NXF2: variants seen among roughly 807,000 people sequenced by gnomAD.
NXF2 encodes the protein TAP-like protein 2.
At chrX:102,251,316 C>T (rs1460771971) in intron 2 of NXF2, among the ~76,000 whole-genome samples, 1 of 50,131 alleles carries the variant, frequency 2.0e-5, no homozygotes, top group African/African-American at 1.4e-4. Context: ...ACATTACTCC[C>T]GCGAATAACC....
At chrX:102,281,673 G>A (rs1231620280) in intron 2 of NXF2, among the ~76,000 whole-genome samples, 3 of 105,037 alleles carry the variant, frequency 2.9e-5, no homozygotes, top group African/African-American at 7.0e-5. Context: ...GTTAGGGGAC[G>A]GGTGATGCCA....
chrX:102,266,424 TA>T lies in NXF2; in HGVS notation c.-54+17868del, dbSNP rs1292990539. Among the ~76,000 whole-genome samples, 8 of 40,246 alleles carry T rather than the reference TA, an allele frequency of 2.0e-4. 3 individuals carry two copies. Among genetic ancestry groups the T allele is most frequent in the African/African-American group, 6.3e-4 (8 of 12,611 alleles). 34.9% of individuals were successfully genotyped at this position (40,246 alleles called of 115,157 possible). A position where few individuals can be genotyped will look rare whatever the true frequency, so the allele number is the denominator to read the frequency against. ...TCAAAAGCTAGCAGAAGGCAAGAAA[TA>T]ACTAAGATCAGAGCAGAACTGAAGG... On this transcript the variant is annotated intron_variant, in intron 2 of 22. Transcript: ENST00000625106.
chrX:102,298,978 T>C (rs1207374633), intron 2 of NXF2, among the ~76,000 whole-genome samples: 1 of 78,185 alleles, frequency 1.3e-5, no homozygotes, highest in Admixed American at 1.5e-4. Context: ...TACAATGTGG[T>C]ATTTTGATAA....
intron 2 of NXF2, among the ~76,000 whole-genome samples, chrX:102,252,288 C>T (rs2364161): frequency 0.062 from 2,982 of 48,270 alleles, no homozygotes; most frequent in Non-Finnish European, 0.091. Context: ...CCACCCCCCT[C>T]CCCCGGCCAC....
In NXF2 at chrX:102,274,521, TTCC is replaced by T. The variant is rs782724570; in HGVS notation, c.-54+25966_-54+25968del. On this transcript the variant is annotated intron_variant, in intron 2 of 22. Transcript: ENST00000625106. ...CTTCTTCTTCTTCTTCTTCTTCTTC[TTCC>T]TCTTCCTCTTCCTCTTCCTCTTCTT... is the stretch of plus-strand genomic sequence containing the variant. 2.2e-3 allele frequency among the ~76,000 whole-genome samples: 8 copies of T among 3,675 alleles called. 3 individuals carry two copies. The highest frequency in any genetic ancestry group is 0.016 in the Admixed American group (5 of 320). 3.2% of individuals were successfully genotyped at this position (3,675 alleles called of 115,157 possible).
intron 2 of NXF2, among the ~76,000 whole-genome samples, chrX:102,254,503 G>A (rs1344551765): frequency 2.5e-5 from 2 of 80,731 alleles, no homozygotes; most frequent in Non-Finnish European, 4.6e-5. Context: ...AGTGTACAAG[G>A]GTTCCCTTTT....
chrX:102,266,674 T>A (rs1431848437), intron 2 of NXF2, among the ~76,000 whole-genome samples: 1 of 35,397 alleles, frequency 2.8e-5, no homozygotes, highest in Non-Finnish European at 6.3e-5. Context: ...CAAATAAACT[T>A]GTAAATCTAG....
intron 2 of NXF2, among the ~76,000 whole-genome samples, chrX:102,282,341 T>C (rs1428711016): frequency 2.6e-5 from 3 of 114,898 alleles, no homozygotes; most frequent in African/African-American, 9.5e-5. Context: ...CTGAGGTCAT[T>C]GCTTCACAAA....
At chrX:102,260,092 C>T (rs1261331022) in intron 2 of NXF2, 3 of 91,258 alleles carry the variant, frequency 3.3e-5, no homozygotes, top group African/African-American at 1.1e-4. Context: ...TTGAGCAGAG[C>T]CTTGGGTCCT....
At chrX:102,248,394 G>T (rs1402358433) in intron 1 of NXF2, 43 bp from the exon 2 acceptor site, 1 of 51,657 alleles carries the variant, frequency 1.9e-5, no homozygotes, top group African/African-American at 8.3e-5. Flanking sequence ...GATTTTATGT[G>T]AATTTCACCA....
chrX:102,281,975 ATTT>A (rs35643029), intron 2 of NXF2, among the ~76,000 whole-genome samples: 8 of 10,822 alleles, frequency 7.4e-4, no homozygotes, highest in Non-Finnish European at 1.3e-3. Flanking sequence ...CGCCCGGCTA[ATTT>A]TTTTTTTTTT....
chrX:102,294,255 A>G (rs373617160), intron 2 of NXF2, among the ~76,000 whole-genome samples: 3,316 of 101,624 alleles, frequency 0.033, 2 homozygotes, highest in Non-Finnish European at 0.046. Context: ...GACCTACGGT[A>G]GGAAGCTCTG....
At chrX:102,251,307 C>T (rs1933817329) in intron 2 of NXF2, among the ~76,000 whole-genome samples, 1 of 44,832 alleles carries the variant, frequency 2.2e-5, no homozygotes, top group Non-Finnish European at 3.8e-5. Context: ...CAGTTACAGA[C>T]ATTACTCCCG....
intron 2 of NXF2, among the ~76,000 whole-genome samples, chrX:102,293,524 CATATATATATATAT>C (rs1176337938): frequency 0.079 from 687 of 8,667 alleles, 94 homozygotes; most frequent in African/African-American, 0.29. Context: ...TCTTTCTTTC[CATATATATATATAT>C]ATATATATAT....
chrX:102,254,349 C>G (rs1217078827), intron 2 of NXF2, among the ~76,000 whole-genome samples: 1 of 82,100 alleles, frequency 1.2e-5, no homozygotes, highest in Non-Finnish European at 2.3e-5. Flanking sequence ...TGATAGTTCT[C>G]TTTTTCACTA....
intron 2 of NXF2, among the ~76,000 whole-genome samples, chrX:102,252,240 G>A (rs1405005223): frequency 1.5e-5 from 1 of 66,322 alleles, no homozygotes; most frequent in Non-Finnish European, 2.8e-5. Context: ...CGATCCACCC[G>A]CTTCAGCCTC....
chrX:102,298,692 T>C (rs1340166405), intron 2 of NXF2, among the ~76,000 whole-genome samples: 1 of 113,787 alleles, frequency 8.8e-6, no homozygotes, highest in Non-Finnish European at 1.9e-5. Context: ...CGTTTGGCAC[T>C]CAGCTGCTCC....
chrX:102,290,028 A>G (rs1193612227), intron 2 of NXF2, among the ~76,000 whole-genome samples: 2 of 52,194 alleles, frequency 3.8e-5, no homozygotes, highest in East Asian at 5.9e-4. Flanking sequence ...GGCCAAAACA[A>G]CCCCATCAAC....
intron 2 of NXF2, among the ~76,000 whole-genome samples, chrX:102,282,403 CT>C (rs34584306): frequency 0.095 from 9,846 of 103,663 alleles, 2 homozygotes; most frequent in East Asian, 0.3. Flanking sequence ...CACCATGCTG[CT>C]GTGGCCAGGG....
Sources: allele counts gnomAD v4.1 joint callset (sites outside exome capture counted in the v4.1 genomes callset), GRCh38; gene constraint gnomAD v4.1.1; transcripts MANE v1.5; gene names NCBI Gene and HGNC (gene_info 2026-07-23, HGNC 2026-07-21).